The following PMPCB variants were observed in gnomAD, a reference collection of about 807,000 sequenced individuals.
PMPCB encodes the protein peptidase, mitochondrial processing subunit beta.
Under a neutral mutation model 61.5 loss-of-function variants are expected in PMPCB, and 46 were observed. The ratio of observed to expected loss-of-function variants is 0.75; its 90% CI spans 0.59 to 0.96. PMPCB has a LOEUF of 0.96. Among genes scored for constraint, PMPCB ranks in the 40% least tolerant of loss-of-function variants. The pLI is 0.00. For missense variants in PMPCB, 590 were observed against 602.4 expected (o/e 0.98, Z 0.22); for synonymous variants, 191 against 201.6 (o/e 0.95, Z 0.44).
In PMPCB at chr7:103,312,135, A is replaced by T. The variant is rs1817779426; in HGVS notation, c.1405+4A>T. 6 of 1,614,076 alleles carry T rather than the reference A, an allele frequency of 3.7e-6. No homozygotes were observed. The highest frequency in any genetic ancestry group is 3.4e-6 in the Non-Finnish European group (4 of 1,179,964). ...AGTCCAGCTATTGCTGCTGTTGGTA[A>T]GCCTGGCTTCTTTTCTTCTATGCAA... On this transcript the variant is annotated splice_donor_region_variant and intron_variant, in intron 12 of 12. Coordinates refer to ENST00000249269, the MANE Select transcript of PMPCB (RefSeq NM_004279.3).
chr7:103,336,917 T>TA, the PMPCB span: 1 of 152,222 alleles, frequency 6.6e-6, no homozygotes, highest in African/African-American at 2.4e-5. Flanking sequence ...TAATAATTTT[T>TA]ACCACAGGCA....
At chr7:103,297,674 G>T in intron 1 of PMPCB, 116 bp downstream of exon 1, 1 of 1,541,600 alleles carries the variant, frequency 6.5e-7, no homozygotes, top group South Asian at 1.2e-5. Context: ...TCCTCGACCC[G>T]GACCCGCCGG....
rs79588426 is a variant in PMPCB at position 103,313,105 on chromosome 7, A to T, written c.*834A>T. The T allele has an allele frequency of 0.037, 59,080 of 1,593,916 alleles. 1,436 individuals carry two copies. Among genetic ancestry groups the T allele is most frequent in the African/African-American group, 0.098 (7,198 of 73,528 alleles). On this transcript the variant is annotated 3_prime_UTR_variant, in exon 13 of 13. Transcript: ENST00000249269. Reference sequence around the variant, plus strand: ...GGGGTGAAGTCTGTATATGGACCTGATTAAGAAAAATTTTTATTTGAAAAC... The same window carrying T: ...GGGGTGAAGTCTGTATATGGACCTGTTTAAGAAAAATTTTTATTTGAAAAC...
rs1817822089 is a variant in PMPCB, at chr7:103,312,776, G to A, written c.*505G>A. 2.0e-6 allele frequency: 3 copies of A among 1,510,644 alleles called. No individual in the cohort carries two copies. The highest frequency in any genetic ancestry group is 4.7e-5 in the Admixed American group (2 of 42,356). The allele number at this position is 1,510,644 out of a possible 1,614,324, so 93.6% of individuals were successfully genotyped here. A position where few individuals can be genotyped will look rare whatever the true frequency, so the allele number is the denominator to read the frequency against. ...TATACTGATTTCATTATCTGCCAGG[G>A]CCTAGAAAGTTTCTAAGGTTGCTCA... On this transcript the variant is annotated 3_prime_UTR_variant, in exon 13 of 13. Coordinates refer to ENST00000249269, the MANE Select transcript of PMPCB (RefSeq NM_004279.3).
intron 7 of PMPCB, among the ~76,000 whole-genome samples, chr7:103,308,605 TGA>T (rs2115689662): frequency 6.6e-6 from 1 of 151,910 alleles, no homozygotes; most frequent in East Asian, 1.9e-4. Context: ...GGCGACAGAG[TGA>T]GACTCTGTCT....
At chr7:103,344,625 T>G in the PMPCB span, 1 of 1,609,818 alleles carries the variant, frequency 6.2e-7, no homozygotes, top group Non-Finnish European at 8.5e-7. Context: ...AGCAGCATGA[T>G]GGCGCCGGGT....
At chr7:103,298,796 G>T in intron 2 of PMPCB, 88 bp downstream of exon 2, 2 of 1,310,634 alleles carry the variant, frequency 1.5e-6, no homozygotes, top group Non-Finnish European at 1.1e-6. Flanking sequence ...TCGTTGGCTG[G>T]TGGTTCAAAA....
chr7:103,300,040 A>G (rs369088779), intron 3 of PMPCB, 138 bp from the exon 4 acceptor site: 1 of 731,288 alleles, frequency 1.4e-6, no homozygotes, highest in Non-Finnish European at 2.3e-6. Context: ...GAGCCATCGT[A>G]CCATACCTGA....
chr7:103,313,742 G>T lies in PMPCB; in HGVS notation c.*1471G>T, dbSNP rs1261834000. ...TATTGTGGTTCTTCAACTAAACCTT[G>T]TATATTTCAGAAAACATCTAAGATG... On this transcript the variant is annotated 3_prime_UTR_variant, in exon 13 of 13. Transcript: ENST00000249269. 2.0e-6 allele frequency: 2 copies of T among 985,012 alleles called. No individual in the cohort carries two copies. The highest frequency in any genetic ancestry group is 3.5e-5 in the African/African-American group (2 of 57,214). The allele number at this position is 985,012 out of a possible 1,614,324, so 61.0% of individuals were successfully genotyped here.
downstream of PMPCB, among the ~76,000 whole-genome samples, chr7:103,315,123 T>C (rs901254398): frequency 3.3e-5 from 5 of 152,100 alleles, no homozygotes; most frequent in African/African-American, 4.8e-5. Flanking sequence ...ATGAAAAGCA[T>C]TGGTCTAGAG....
At chr7:103,311,760 ATGGT>A in intron 10 of PMPCB, 32 bp downstream of exon 10, 1 of 1,602,230 alleles carries the variant, frequency 6.2e-7, no homozygotes, top group South Asian at 1.1e-5. Flanking sequence ...CTGTTTTCAT[ATGGT>A]TGATCTGTAT....
At chr7:103,327,680 C>G in intron 12 of PMPCB, 1 of 1,609,660 alleles carries the variant, frequency 6.2e-7, no homozygotes, top group Non-Finnish European at 8.5e-7. Flanking sequence ...GTGAAGTAGT[C>G]ATTATCTCCT....
At position 103,321,517 on chromosome 7, in the gene PMPCB, CAAAT is replaced by C. The variant is rs754932612; in HGVS notation, c.*1432-7398_*1432-7395del. Among the ~76,000 whole-genome samples, 152 of 151,076 alleles carry C rather than the reference CAAAT, an allele frequency of 1.0e-3. 2 individuals are homozygous for C. The highest frequency in any genetic ancestry group is 6.7e-3 in the South Asian group (32 of 4,780). On this transcript the variant is annotated intron_variant and NMD_transcript_variant, in intron 12 of 12. Coordinates refer to the PMPCB transcript ENST00000444457. The stretch of plus-strand genomic sequence containing the variant: ...CAGGTGACAGTGCGAGACTCCATCT[CAAAT>C]AAATAAATAAATAAAAATAATTTTT...
At chr7:103,297,877 C>G in intron 1 of PMPCB, 1 of 1,418,524 alleles carries the variant, frequency 7.0e-7, no homozygotes, top group Non-Finnish European at 9.3e-7. Flanking sequence ...AAATGGGTAC[C>G]GCTCCAGAGT....
intron 12 of PMPCB, chr7:103,322,841 A>T (rs1463689950): frequency 7.1e-7 from 1 of 1,407,738 alleles, no homozygotes; most frequent in Admixed American, 1.8e-5. Context: ...TATAGATGCT[A>T]TGACTGGAAA....
chr7:103,341,002 G>A, the PMPCB span, among the ~76,000 whole-genome samples: 1 of 152,120 alleles, frequency 6.6e-6, no homozygotes, highest in African/African-American at 2.4e-5. Context: ...CGCTAATGCT[G>A]GGAAGGACCT....
At chr7:103,343,280 C>T in the PMPCB span, among the ~76,000 whole-genome samples, 10 of 152,172 alleles carry the variant, frequency 6.6e-5, no homozygotes, top group Non-Finnish European at 1.2e-4. Flanking sequence ...GGATTATAGA[C>T]GTGAGCCACC....
downstream of PMPCB, chr7:103,315,901 CAG>C (rs773523003): frequency 1.7e-5 from 26 of 1,558,816 alleles, no homozygotes; most frequent in Admixed American, 5.2e-5. Context: ...TAATACTTAA[CAG>C]ATCATCATTT....
chr7:103,310,341 C>G lies in PMPCB; in HGVS notation c.1020C>G (p.Leu340=). 6.2e-7 allele frequency: 1 copy of G among 1,613,490 alleles called. No homozygotes were observed. The highest frequency in any genetic ancestry group is 8.5e-7 in the Non-Finnish European group (1 of 1,179,734). The stretch of plus-strand genomic sequence containing the variant: ...ATTTATCTAGCAAGCTGGCCCAGCT[C>G]ACTTGTCATGGCAATCTTTGCCATA... ...GMNLSSKLAQ[L]TCHGNLCHSF... is the part of the protein sequence containing the mutation. The change falls in exon 9 of 13, where the codon CTC becomes CTG. Residue 340 remains leucine (L), a synonymous_variant. Transcript: ENST00000249269.
Sources: allele counts gnomAD v4.1 joint callset (sites outside exome capture counted in the v4.1 genomes callset), GRCh38; gene constraint gnomAD v4.1.1; transcripts MANE v1.5; gene names NCBI Gene and HGNC (gene_info 2026-07-23, HGNC 2026-07-21).